LRRC8D: variants seen among roughly 807,000 people sequenced by gnomAD.
LRRC8D encodes the protein leucine rich repeat containing 8 VRAC subunit D, also known as volume-regulated anion channel subunit LRRC8D.
In LRRC8D, 20 loss-of-function variants were observed where a neutral mutation model predicts 55.8. The ratio of observed to expected loss-of-function variants is 0.36; its 90% CI spans 0.25 to 0.52. The LOEUF is 0.52. Ranked by LOEUF, LRRC8D falls within the 20% of genes least tolerant of loss-of-function variation. The probability of loss-of-function intolerance (pLI) is 0.93; values close to 1 mark genes in which losing one functional copy is unlikely to be tolerated. For synonymous variants in LRRC8D, 352 were observed against 377.0 expected, an observed-to-expected ratio of 0.93 and a Z score of 0.77; for missense variants, 651 against 1,030.8, an observed-to-expected ratio of 0.63 and a Z score of 5.05.
intron 1 of LRRC8D, among the ~76,000 whole-genome samples, chr1:89,842,779 A>AAATG (rs1661167659): frequency 6.6e-6 from 1 of 152,228 alleles, no homozygotes; most frequent in African/African-American, 2.4e-5. Flanking sequence ...GAGTTCAACA[A>AAATG]AATGAATGAA....
chr1:89,855,831 G>C (rs1338086206), intron 2 of LRRC8D, among the ~76,000 whole-genome samples: 2 of 152,184 alleles, frequency 1.3e-5, no homozygotes, highest in South Asian at 2.1e-4. Flanking sequence ...AGGAAAGATT[G>C]CTTTCTCAAA....
At chr1:89,842,218 A>AG (rs1444771194) in intron 1 of LRRC8D, among the ~76,000 whole-genome samples, 31 of 48,590 alleles carry the variant, frequency 6.4e-4, no homozygotes, top group Admixed American at 3.4e-4. Context: ...GTCTCAGAAA[A>AG]AAAAAAAAAA....
chr1:89,877,363 G>C (rs930827834), intron 2 of LRRC8D, among the ~76,000 whole-genome samples: 2 of 152,108 alleles, frequency 1.3e-5, no homozygotes, highest in Admixed American at 6.5e-5. Context: ...GCAAAACAAG[G>C]ATAATAACAG....
chr1:89,882,620 CTGTTTCATTAT>C (rs1662313671), intron 2 of LRRC8D, among the ~76,000 whole-genome samples: 1 of 152,154 alleles, frequency 6.6e-6, no homozygotes, highest in African/African-American at 2.4e-5. Context: ...AAATTTTTCA[CTGTTTCATTAT>C]TTGTATGTCA....
At chr1:89,895,398 A>T (rs563300911) in intron 2 of LRRC8D, among the ~76,000 whole-genome samples, 69 of 152,300 alleles carry the variant, frequency 4.5e-4, no homozygotes, top group African/African-American at 1.5e-3. Flanking sequence ...CAGCTAGGTA[A>T]TTTTATCTCA....
At chr1:89,865,827 A>C (rs532857482) in intron 2 of LRRC8D, among the ~76,000 whole-genome samples, 1 of 152,340 alleles carries the variant, frequency 6.6e-6, no homozygotes, top group South Asian at 2.1e-4. Context: ...TAATTCAACT[A>C]TTGGCAGAAT....
At chr1:89,875,531 A>G (rs1393173998) in intron 2 of LRRC8D, among the ~76,000 whole-genome samples, 1 of 152,214 alleles carries the variant, frequency 6.6e-6, no homozygotes, top group East Asian at 1.9e-4. Context: ...TGCTAATAAC[A>G]AAATTAAGCA....
intron 2 of LRRC8D, among the ~76,000 whole-genome samples, chr1:89,921,264 G>GGA: frequency 6.6e-6 from 1 of 152,226 alleles, no homozygotes; most frequent in East Asian, 1.9e-4. Context: ...CCTGAGCCCA[G>GGA]GAGGTCAAGG....
intron 1 of LRRC8D, among the ~76,000 whole-genome samples, chr1:89,822,943 G>A (rs1427709236): frequency 6.6e-6 from 1 of 152,156 alleles, no homozygotes; most frequent in Non-Finnish European, 1.5e-5. Context: ...TGAAAATTAG[G>A]TGGTTAAAAC....
At chr1:89,880,954 A>T (rs1191296263) in intron 2 of LRRC8D, among the ~76,000 whole-genome samples, 6 of 152,026 alleles carry the variant, frequency 3.9e-5, no homozygotes, top group Non-Finnish European at 7.4e-5. Flanking sequence ...AAAGCTCATC[A>T]CTCTAATGCC....
At chr1:89,826,350 C>T (rs1185841090) in intron 1 of LRRC8D, among the ~76,000 whole-genome samples, 2 of 151,998 alleles carry the variant, frequency 1.3e-5, no homozygotes, top group African/African-American at 4.8e-5. Context: ...CTGCAAGCTC[C>T]GCCTCCCGGG....
At chr1:89,891,427 C>T (rs1157079616) in intron 2 of LRRC8D, among the ~76,000 whole-genome samples, 3 of 152,306 alleles carry the variant, frequency 2.0e-5, no homozygotes, top group East Asian at 3.9e-4. Context: ...GTCTGCCACT[C>T]CATTATAGAA....
intron 1 of LRRC8D, among the ~76,000 whole-genome samples, chr1:89,824,980 T>C (rs1185604290): frequency 6.6e-6 from 1 of 152,220 alleles, no homozygotes; most frequent in Non-Finnish European, 1.5e-5. Flanking sequence ...AACCCCCAGA[T>C]ATTTGCTCTG....
chr1:89,842,014 C>T (rs997160236), intron 1 of LRRC8D, among the ~76,000 whole-genome samples: 2 of 151,916 alleles, frequency 1.3e-5, no homozygotes, highest in Non-Finnish European at 2.9e-5. Flanking sequence ...AGATCGAGAT[C>T]ATCCTGGCCA....
At chr1:89,842,702 A>G (rs1270057104) in intron 1 of LRRC8D, among the ~76,000 whole-genome samples, 1 of 152,226 alleles carries the variant, frequency 6.6e-6, no homozygotes, top group Admixed American at 6.5e-5. Context: ...AGCACACTCT[A>G]CATACAGCAG....
intron 2 of LRRC8D, among the ~76,000 whole-genome samples, chr1:89,899,869 G>A (rs1002350385): frequency 1.3e-5 from 2 of 152,204 alleles, no homozygotes; most frequent in African/African-American, 4.8e-5. Context: ...CTGCCTTGCA[G>A]TATCACTCTA....
At chr1:89,851,714 TGCGCAGGCTGGTCTCAAACTCCTGA>T (rs1163910374) in intron 2 of LRRC8D, among the ~76,000 whole-genome samples, 3 of 152,146 alleles carry the variant, frequency 2.0e-5, no homozygotes, top group Non-Finnish European at 4.4e-5. Context: ...TTCACCATGT[TGCGCAGGCTGGTCTCAAACTCCTGA>T]GCTCAGGCAA....
chr1:89,829,538 C>T (rs1405788864), intron 1 of LRRC8D, among the ~76,000 whole-genome samples: 2 of 151,966 alleles, frequency 1.3e-5, no homozygotes, highest in East Asian at 1.9e-4. Context: ...TCTACTGTAC[C>T]CTTTCTCATT....
chr1:89,876,303 C>T (rs551522778), intron 2 of LRRC8D, among the ~76,000 whole-genome samples: 3 of 152,264 alleles, frequency 2.0e-5, no homozygotes, highest in South Asian at 2.1e-4. Context: ...CTGTGGTCCA[C>T]GGACCCCCAG....
Sources: allele counts gnomAD v4.1 joint callset (sites outside exome capture counted in the v4.1 genomes callset), GRCh38; gene constraint gnomAD v4.1.1; transcripts MANE v1.5; gene names NCBI Gene and HGNC (gene_info 2026-07-23, HGNC 2026-07-21).